Variants in PPP1R18 observed in about 807,000 individuals in gnomAD.
PPP1R18 encodes the protein phostensin.
In PPP1R18, 31 loss-of-function variants were observed where a neutral mutation model predicts 54.8. The ratio of observed to expected loss-of-function variants is 0.57; its 90% confidence interval spans 0.43 to 0.76. PPP1R18 has a LOEUF of 0.76. Among genes scored for constraint, PPP1R18 ranks in the 30% least tolerant of loss-of-function variants. PPP1R18 has a pLI of 0.00. For synonymous variants in PPP1R18, 310 were observed against 320.2 expected (o/e 0.97, Z 0.34); for missense variants, 685 against 776.1 (o/e 0.88, Z 1.39).
In PPP1R18 at chr6:30,685,326, C is replaced by G. The variant is rs752711157; in HGVS notation, c.693G>C (p.Gln231His). The G allele has an allele frequency of 4.3e-6, 7 of 1,613,012 alleles. No individual in the cohort carries two copies. The South Asian group carries it at 7.7e-5, about 18-fold the overall frequency. ...TATGGGCCTCTGTCAGGCCCAACTT[C>G]TGGTAGGCAGATTCCCCTGGGCTCA... is the stretch of plus-strand genomic sequence containing the variant. ...SRLSPGESAY[Q>H]KLGLTEAHKW... Residue 231 changes from glutamine to histidine, a missense_variant, in exon 1 of 3, where the codon CAG (glutamine) becomes CAC (histidine). Physicochemically the swap from Gln to His is conservative, Grantham distance 24. Transcript: ENST00000274853. The surrounding 1 kb of genome is among the most constrained non-coding windows in gnomAD (Gnocchi z 5.0).
Position 30,685,761 on chromosome 6 carries a change from G to C in PPP1R18, c.258C>G (p.His86Gln), listed in dbSNP as rs369560727. The C allele has an allele frequency of 3.1e-6, 5 of 1,612,938 alleles. No individual in the cohort carries two copies. The African/African-American group carries it at 4.0e-5, about 13-fold the overall frequency. The change falls in exon 1 of 3, where the codon CAC becomes CAG. Residue 86 changes from histidine (H) to glutamine (Q), a missense_variant. Transcript: ENST00000274853. The surrounding 1 kb of genome is among the most constrained non-coding windows in gnomAD (Gnocchi z 5.0). Reference sequence around the variant, plus strand: ...GCTCCTGCCGGATGAATCGGTTCTGGTGCACTGGCCCGATGGCCTCCAGAA... The same window carrying C: ...GCTCCTGCCGGATGAATCGGTTCTGCTGCACTGGCCCGATGGCCTCCAGAA... ...AVLLEAIGPV[H>Q]QNRFIRQERQ...
In PPP1R18 at chr6:30,679,290, T is replaced by A. The variant is rs535289731; in HGVS notation, c.1711A>T (p.Ser571Cys). 5.8e-6 allele frequency: 9 copies of A among 1,553,144 alleles called. No homozygotes were observed. The highest frequency in any genetic ancestry group is 7.0e-6 in the Non-Finnish European group (8 of 1,149,096). The change falls in exon 2 of 3, where the codon AGT becomes TGT. Residue 571 changes from serine to cysteine, a missense_variant. Coordinates refer to ENST00000274853, the MANE Select transcript of PPP1R18 (RefSeq NM_133471.4). ...TGGGCTGCTGGAGGGTTGGGGGCAC[T>A]GGGGACCTCAGGCTCCGGGCCCAGC... ...EELGPEPEVP[S>C]APNPPAAQPD...
Position 30,679,248 on chromosome 6 carries a change from C to T in PPP1R18, c.1753G>A (p.Asp585Asn). The change falls in exon 2 of 3, where the codon GAT (aspartate) becomes AAT (asparagine). Residue 585 changes from aspartate to asparagine, a missense_variant. Asp to Asn is a conservative substitution (Grantham distance 23). Transcript: ENST00000274853. The stretch of plus-strand genomic sequence containing the variant: ...TGCAGCAGCAGCAGCTCTTCCTCAT[C>T]CTCTTCGTCGTCGGGTTGGGCTGCT... ...PPAAQPDDEE[D>N]EEELLLLQPE... 1 of 1,577,010 alleles carries T rather than the reference C, an allele frequency of 6.3e-7. No homozygotes were observed. The highest frequency in any genetic ancestry group is 8.6e-7 in the Non-Finnish European group (1 of 1,161,380).
At chr6:30,688,266 G>C, upstream of PPP1R18, 1 of 226,482 alleles carries the variant, frequency 4.4e-6, no homozygotes, top group Non-Finnish European at 8.9e-6. This position sits in a 1 kb window ranked among gnomAD's most constrained non-coding sequence, Gnocchi z 5.9. Flanking sequence ...TGCAGACCCT[G>C]GTCCACCTTC....
Position 30,685,494 on chromosome 6 carries a change from GC to G in PPP1R18, c.524del (p.Ser175ThrfsTer20). 1 of 1,612,936 alleles carries G rather than the reference GC, an allele frequency of 6.2e-7. No individual in the cohort carries two copies. Among genetic ancestry groups the G allele is most frequent in the South Asian group, 1.1e-5 (1 of 91,078 alleles). ...AGCTCCTGTCTCCCACCTCTCCTGG[GC>G]TTTGCCTCCAGTCCCGAGCCTCCAG... ...RPLEARDWRQ[S>X]PGEVGDRSSR... On this transcript the variant is annotated frameshift_variant, in exon 1 of 3. Transcript: ENST00000274853. LOFTEE classifies it high-confidence loss of function. The surrounding 1 kb of genome is among the most constrained non-coding windows in gnomAD (Gnocchi z 5.0).
intron 1 of PPP1R18, among the ~76,000 whole-genome samples, chr6:30,682,414 T>C (rs1328947981): frequency 6.6e-6 from 1 of 152,110 alleles, no homozygotes; most frequent in Non-Finnish European, 1.5e-5. Flanking sequence ...TTGATGGAAT[T>C]AGCCTGCAAA....
chr6:30,685,106 C>A lies in PPP1R18; in HGVS notation c.913G>T (p.Gly305Cys), dbSNP rs1770816168. 1 of 1,613,214 alleles carries A rather than the reference C, an allele frequency of 6.2e-7. No individual in the cohort carries two copies. The highest frequency in any genetic ancestry group is 1.3e-5 in the African/African-American group (1 of 75,052). ...GCCTCCACTCCTGCGGAACTGTTGC[C>A]TTGGGCCTCCCTTGTCAGGGTCTCG... ...LSETLTREAQ[G>C]NSSAGVEAAE... The change falls in exon 1 of 3, where the codon GGC (glycine) becomes TGC (cysteine). Residue 305 changes from glycine to cysteine, a missense_variant. Transcript: ENST00000274853. The surrounding 1 kb of genome is among the most constrained non-coding windows in gnomAD (Gnocchi z 5.0).
chr6:30,682,115 CTTATT>C (rs1415136726), intron 1 of PPP1R18, among the ~76,000 whole-genome samples: 1 of 152,146 alleles, frequency 6.6e-6, no homozygotes, highest in African/African-American at 2.4e-5. Flanking sequence ...CTGAAAATGA[CTTATT>C]TTATTTGCTC....
rs953176488 is a variant in PPP1R18, at chr6:30,684,016, C to T, written c.1611+392G>A. Among the ~76,000 whole-genome samples, 5 of 151,822 alleles carry T rather than the reference C, an allele frequency of 3.3e-5. No individual in the cohort carries two copies. Among genetic ancestry groups the T allele is most frequent in the Non-Finnish European group, 5.9e-5 (4 of 67,950 alleles). On this transcript the variant is annotated intron_variant, in intron 1 of 2. Coordinates refer to ENST00000274853, the MANE Select transcript of PPP1R18 (RefSeq NM_133471.4). The surrounding 1 kb of genome is among the most constrained non-coding windows in gnomAD (Gnocchi z 6.0). Reference sequence around the variant, plus strand: ...CCCAGAAAAACTGCAAGTGCTCTCACCCTGGTGACCCTGCCCTCACTGATT... The same window carrying T: ...CCCAGAAAAACTGCAAGTGCTCTCATCCTGGTGACCCTGCCCTCACTGATT...
chr6:30,686,073 G>C lies in PPP1R18; in HGVS notation c.-55C>G, dbSNP rs907979400. On this transcript the variant is annotated 5_prime_UTR_variant, in exon 1 of 3. Coordinates refer to ENST00000274853, the MANE Select transcript of PPP1R18 (RefSeq NM_133471.4). ...TGGGGACAGAGAACAGGAAGGAGAG[G>C]CTCCAGAGAGTGAGACAGCCCGGGG... The C allele has an allele frequency of 3.9e-5, 58 of 1,497,990 alleles. No homozygotes were observed. Among genetic ancestry groups the C allele is most frequent in the Non-Finnish European group, 4.9e-5 (55 of 1,129,744 alleles). The allele number at this position is 1,497,990 out of a possible 1,614,324, so 92.8% of individuals were successfully genotyped here. A position where few individuals can be genotyped will look rare whatever the true frequency, so the allele number is the denominator to read the frequency against.
intron 1 of PPP1R18, among the ~76,000 whole-genome samples, chr6:30,682,785 A>G (rs1770628163): frequency 6.6e-6 from 1 of 151,826 alleles, no homozygotes; most frequent in African/African-American, 2.4e-5. Context: ...TCTCTGGCCT[A>G]GGTATGGTCA....
At chr6:30,687,624 G>A (rs528334981), upstream of PPP1R18, 2 of 152,528 alleles carry the variant, frequency 1.3e-5, no homozygotes, top group Admixed American at 1.3e-4. This position sits in a 1 kb window ranked among gnomAD's most constrained non-coding sequence, Gnocchi z 7.9. Flanking sequence ...TCCTCCCTAC[G>A]CTTTTGCCTT....
At position 30,677,209 on chromosome 6, in the gene PPP1R18, C is replaced by T. The variant is rs543059840; in HGVS notation, c.*60G>A. ...CAGGGTCTGTCTGCCCTGAATCTTCCGGGCTCCAGGATCTTCAGTTATAAG... is the reference window on the plus strand; with the variant it reads ...CAGGGTCTGTCTGCCCTGAATCTTCTGGGCTCCAGGATCTTCAGTTATAAG... On this transcript the variant is annotated 3_prime_UTR_variant, in exon 3 of 3. Transcript: ENST00000274853. 3.1e-4 allele frequency: 470 copies of T among 1,504,788 alleles called. 1 individual carries two copies. The highest frequency in any genetic ancestry group is 2.2e-3 in the Middle Eastern group (13 of 5,864). The allele number at this position is 1,504,788 out of a possible 1,614,324, so 93.2% of individuals were successfully genotyped here.
chr6:30,679,437 A>G, intron 1 of PPP1R18, 48 bp from the exon 2 acceptor site: 1 of 879,210 alleles, frequency 1.1e-6, no homozygotes. Context: ...AGCAGGGGAG[A>G]AGCCCGCGGG....
At chr6:30,677,388 G>A in intron 2 of PPP1R18, 100 bp from the exon 3 acceptor site, 2 of 993,970 alleles carry the variant, frequency 2.0e-6, no homozygotes, top group South Asian at 1.6e-5. Context: ...TGGCATGCAG[G>A]AAGTCCTATA....
At chr6:30,682,695 G>T (rs934935226) in intron 1 of PPP1R18, among the ~76,000 whole-genome samples, 3 of 151,714 alleles carry the variant, frequency 2.0e-5, no homozygotes, top group Admixed American at 1.3e-4. Flanking sequence ...CAGGGCCCAG[G>T]GTTCCCCACT....
At chr6:30,679,050 C>A in intron 2 of PPP1R18, 129 bp downstream of exon 2, 1 of 639,364 alleles carries the variant, frequency 1.6e-6, no homozygotes, top group Non-Finnish European at 2.6e-6. Flanking sequence ...GTTAAAGGAG[C>A]ATGTTGAACC....
intron 2 of PPP1R18, 68 bp from the exon 3 acceptor site, chr6:30,677,356 C>G: frequency 2.1e-6 from 3 of 1,402,812 alleles, no homozygotes; most frequent in Admixed American, 2.4e-5. Flanking sequence ...ACCCTTCCCC[C>G]CCACACAAAT....
In PPP1R18 at chr6:30,685,930, C is replaced by T. The variant is rs200269206; in HGVS notation, c.89G>A (p.Arg30Gln). 3.1e-5 allele frequency: 50 copies of T among 1,608,394 alleles called. 1 individual carries two copies. The highest frequency in any genetic ancestry group is 4.2e-6 in the Non-Finnish European group (5 of 1,179,998). ...ASVRGREKAERERLSQMPAWK... is the reference protein window; with the variant it reads ...ASVRGREKAEQERLSQMPAWK... ...GGCTGGCATCTGGGACAGGCGCTCC[C>T]GTTCTGCTTTCTCTCGGCCTCGAAC... Residue 30 changes from arginine (R) to glutamine (Q), a missense_variant, in exon 1 of 3, where the codon CGG becomes CAG. Physicochemically the swap from Arg to Gln is conservative, Grantham distance 43 (BLOSUM62 1). Coordinates refer to ENST00000274853, the MANE Select transcript of PPP1R18 (RefSeq NM_133471.4). The surrounding 1 kb of genome is among the most constrained non-coding windows in gnomAD (Gnocchi z 5.0).
Sources: allele counts gnomAD v4.1 joint callset (sites outside exome capture counted in the v4.1 genomes callset), GRCh38; gene constraint gnomAD v4.1.1; non-coding constraint Gnocchi (gnomAD v3.1); transcripts MANE v1.5; gene names NCBI Gene and HGNC (gene_info 2026-07-23, HGNC 2026-07-21).